PELP1: variants seen among roughly 807,000 people sequenced by gnomAD.
PELP1 encodes the protein proline-, glutamic acid- and leucine-rich protein 1.
A neutral mutation model predicts 95.5 loss-of-function variants in PELP1; 32 were observed. The observed-to-expected ratio is 0.34, with a 90% CI of 0.25 to 0.45. PELP1 has a LOEUF of 0.45. Ranked by LOEUF, PELP1 falls within the 20% of genes least tolerant of loss-of-function variation. The pLI is 1.00. For synonymous variants in PELP1, 668 were observed against 600.1 expected (o/e 1.11, Z -1.65); for missense variants, 1,358 against 1,444.8 (o/e 0.94, Z 0.97).
intron 3 of PELP1, 36 bp downstream of exon 3, chr17:4,690,852 G>A (rs927137036): frequency 2.4e-6 from 3 of 1,274,730 alleles, no homozygotes; most frequent in Non-Finnish European, 3.4e-6. Context: ...TAAGATGGGG[G>A]AGGAGGAGGA....
intron 3 of PELP1, among the ~76,000 whole-genome samples, chr17:4,687,347 A>C (rs1912941897): frequency 6.6e-6 from 1 of 152,172 alleles, no homozygotes; most frequent in Admixed American, 6.5e-5. Context: ...GATCGAGATC[A>C]TCCTGACTAA....
chr17:4,694,497 CA>C (rs55794918), intron 1 of PELP1, among the ~76,000 whole-genome samples: 5 of 54,638 alleles, frequency 9.2e-5, no homozygotes, highest in African/African-American at 2.7e-4. Flanking sequence ...ACCAAAAATA[CA>C]AAAAAAAAAA....
intron 1 of PELP1, among the ~76,000 whole-genome samples, chr17:4,702,947 GAA>G (rs1913602959): frequency 6.6e-6 from 1 of 152,146 alleles, no homozygotes; most frequent in African/African-American, 2.4e-5. Context: ...GAGAAAGATG[GAA>G]AAGAGTGGAC....
At chr17:4,687,341 G>A (rs149457285) in intron 3 of PELP1, among the ~76,000 whole-genome samples, 2,586 of 152,180 alleles carry the variant, frequency 0.017, 33 homozygotes, top group Non-Finnish European at 0.023. Context: ...TCAGGAGATC[G>A]AGATCATCCT....
intron 3 of PELP1, among the ~76,000 whole-genome samples, chr17:4,687,404 T>G (rs1417857857): frequency 6.7e-6 from 1 of 148,642 alleles, no homozygotes; most frequent in Non-Finnish European, 1.5e-5. Flanking sequence ...ATTAGCCAAG[T>G]GTGGTGGCGG....
chr17:4,685,972 C>G (rs1379298160), intron 3 of PELP1, among the ~76,000 whole-genome samples: 2 of 152,002 alleles, frequency 1.3e-5, no homozygotes, highest in Non-Finnish European at 2.9e-5. Flanking sequence ...TGATAGGCGC[C>G]TGTAATCCCA....
chr17:4,683,190 A>C, intron 3 of PELP1: 3 of 649,472 alleles, frequency 4.6e-6, no homozygotes, highest in Non-Finnish European at 6.4e-6. Flanking sequence ...ACAAAGCTAT[A>C]CCTTAAAGAC....
chr17:4,701,495 C>A (rs73336203), intron 1 of PELP1, among the ~76,000 whole-genome samples: 1 of 152,100 alleles, frequency 6.6e-6, no homozygotes, highest in African/African-American at 2.4e-5. Flanking sequence ...TTACAGAGGG[C>A]AAGACTGAAG....
chr17:4,684,233 C>T (rs929019571), intron 3 of PELP1, among the ~76,000 whole-genome samples: 1 of 152,148 alleles, frequency 6.6e-6, no homozygotes, highest in African/African-American at 2.4e-5. Context: ...ACCAACGACA[C>T]AGGCCCTCAT....
chr17:4,691,405 T>C lies in PELP1; in HGVS notation c.287A>G (p.Asn96Ser), dbSNP rs1401963538. 6.2e-7 allele frequency: 1 copy of C among 1,613,726 alleles called. No individual in the cohort carries two copies. Among genetic ancestry groups the C allele is most frequent in the Non-Finnish European group, 8.5e-7 (1 of 1,179,682 alleles). Residue 96 changes from asparagine (N) to serine (S), a missense_variant, in exon 2 of 17, where the codon AAT becomes AGT. Physicochemically the swap from Asn to Ser is conservative, Grantham distance 46 (BLOSUM62 1). Around this residue, in one of 7 missense-constraint regions of PELP1, gnomAD observed 169 missense variants for 134.9 expected, o/e 1.25. Transcript: ENST00000572293. ...SALGALVSLS[N>S]ARLSSIKTRF... ...AGTTTTGATGGAACTGAGACGTGCA[T>C]TACTGAGACTCACCAATGCCCCAAG...
intron 3 of PELP1, among the ~76,000 whole-genome samples, chr17:4,685,243 C>T (rs958383792): frequency 1.3e-5 from 2 of 152,118 alleles, no homozygotes; most frequent in Non-Finnish European, 2.9e-5. Context: ...CGTCTTGTCC[C>T]ACCTCAGGAG....
At chr17:4,703,320 CT>C (rs1203380628) in intron 1 of PELP1, among the ~76,000 whole-genome samples, 2 of 152,152 alleles carry the variant, frequency 1.3e-5, no homozygotes, top group Admixed American at 1.3e-4. Flanking sequence ...CCTATTCATC[CT>C]TAGGGTCTCA....
At position 4,697,751 on chromosome 17, in the gene PELP1, T is replaced by C. The variant is rs142160461; in HGVS notation, c.249+6112A>G. On this transcript the variant is annotated intron_variant, in intron 1 of 16. Coordinates refer to ENST00000572293, the MANE Select transcript of PELP1 (RefSeq NM_014389.3). ...GCAGCATTTAGGCTAAAAGCCTGAATGTAATGAGTTCAACGGAACAACCAT... is the reference window on the plus strand; with the variant it reads ...GCAGCATTTAGGCTAAAAGCCTGAACGTAATGAGTTCAACGGAACAACCAT... 6.0e-3 allele frequency among the ~76,000 whole-genome samples: 916 copies of C among 152,286 alleles called. 10 individuals carry two copies. Among genetic ancestry groups the C allele is most frequent in the African/African-American group, 0.021 (873 of 41,570 alleles).
intron 2 of PELP1, 102 bp downstream of exon 2, chr17:4,691,276 G>C: frequency 1.2e-6 from 1 of 841,586 alleles, no homozygotes; most frequent in Non-Finnish European, 2.0e-6. Flanking sequence ...AATAGAGAGA[G>C]GTCTTGAATC....
At position 4,703,844 on chromosome 17, in the gene PELP1, A is replaced by G; in HGVS notation, c.249+19T>C. ...CCATCCTCCCCACAGGGCCGCGGGC[A>G]CGCGGGCCACGGACTCACCTGGGCC... On this transcript the variant is annotated intron_variant, in intron 1 of 16. Transcript: ENST00000572293. 6.3e-7 allele frequency: 1 copy of G among 1,596,234 alleles called. No homozygotes were observed. Among genetic ancestry groups the G allele is most frequent in the Non-Finnish European group, 8.5e-7 (1 of 1,169,922 alleles).
Position 4,672,132 on chromosome 17 carries a change from C to T in PELP1, c.2859G>A (p.Glu953=), listed in dbSNP as rs1285140914. The T allele has an allele frequency of 9.7e-6, 15 of 1,552,356 alleles. No individual in the cohort carries two copies. Among genetic ancestry groups the T allele is most frequent in the African/African-American group, 2.7e-5 (2 of 72,860 alleles). Residue 953 remains glutamate, a synonymous_variant, in exon 16 of 17, where the codon GAG becomes GAA. Transcript: ENST00000572293. Reference sequence around the variant, plus strand: ...CTTCCACCTCTTCCAGTTCTTCTTCCTCCTCCTCATCCTCCTCTTCTTCTT... The same window carrying T: ...CTTCCACCTCTTCCAGTTCTTCTTCTTCCTCCTCATCCTCCTCTTCTTCTT... ...EEEEEEEDEE[E]EEELEEVEDL...
Position 4,675,026 on chromosome 17 carries a change from C to G in PELP1, c.1274+53G>C, listed in dbSNP as rs1331879966. On this transcript the variant is annotated intron_variant, in intron 11 of 16. Transcript: ENST00000572293. This position sits in a 1 kb window ranked among gnomAD's most constrained non-coding sequence, Gnocchi z 4.3. Reference sequence around the variant, plus strand: ...TGCCAGAAGCCCCAGCCCACCTGCACCCCCTCACCCCCCTCTCCTCTTTAT... The same window carrying G: ...TGCCAGAAGCCCCAGCCCACCTGCAGCCCCTCACCCCCCTCTCCTCTTTAT... 1.2e-6 allele frequency: 2 copies of G among 1,605,522 alleles called. No homozygotes were observed. The highest frequency in any genetic ancestry group is 1.7e-6 in the Non-Finnish European group (2 of 1,173,204).
At chr17:4,683,168 A>C in intron 3 of PELP1, 2 of 938,312 alleles carry the variant, frequency 2.1e-6, no homozygotes, top group Non-Finnish European at 2.8e-6. Context: ...TGTGTGGGGG[A>C]AAAAAAGAGT....
In PELP1 at chr17:4,671,846, G is replaced by T; in HGVS notation, c.3145C>A (p.Pro1049Thr). 4 of 1,512,428 alleles carry T rather than the reference G, an allele frequency of 2.6e-6. No individual in the cohort carries two copies. Among genetic ancestry groups the T allele is most frequent in the Non-Finnish European group, 3.5e-6 (4 of 1,134,876 alleles). 93.7% of individuals were successfully genotyped at this position (1,512,428 alleles called of 1,614,324 possible). ...REGESPAAGP[P>T]PQELVEEEPS... ...TCTTCTTCAACAAGCTCCTGGGGAG[G>T]GGGCCCTGCCGCAGGGCTTTCCCCT... The change falls in exon 16 of 17, where the codon CCT becomes ACT. Residue 1049 changes from proline to threonine, a missense_variant. This residue lies in a region of PELP1 where 283 missense variants were observed against 284.1 expected (regional missense o/e 1.00). Coordinates refer to ENST00000572293, the MANE Select transcript of PELP1 (RefSeq NM_014389.3).
Sources: gnomAD v4.1 joint callset for allele counts (sites outside exome capture counted in the v4.1 genomes callset) on GRCh38, gnomAD v4.1.1 for gene constraint, gnomAD v4.1.1 regional missense constraint, Gnocchi (gnomAD v3.1) non-coding constraint, MANE v1.5 for transcripts, NCBI Gene and HGNC (gene_info 2026-07-23, HGNC 2026-07-21) for gene names.